Variants in GPC6 observed in about 807,000 individuals in gnomAD.
The protein encoded by GPC6 is glypican-6.
GPC6 carries 14 observed loss-of-function variants against 55.2 expected under a neutral mutation model. The ratio of observed to expected loss-of-function variants is 0.25; its 90% CI spans 0.17 to 0.40. The LOEUF (loss-of-function observed/expected upper bound fraction) is 0.40. Among genes scored for constraint, GPC6 ranks in the 10% least tolerant of loss-of-function variants. GPC6 has a pLI of 1.00. For missense variants in GPC6, 641 were observed against 708.5 expected (o/e 0.90, Z 1.08); for synonymous variants, 278 against 259.6 (o/e 1.07, Z -0.68).
intron 4 of GPC6, among the ~76,000 whole-genome samples, chr13:94,150,080 C>A (rs1887685790): frequency 6.6e-6 from 1 of 152,058 alleles, no homozygotes; most frequent in Non-Finnish European, 1.5e-5. Flanking sequence ...CCCAACCAAG[C>A]CCTTCTTGGT....
At chr13:93,733,201 C>T (rs1369679254) in intron 2 of GPC6, among the ~76,000 whole-genome samples, 1 of 152,024 alleles carries the variant, frequency 6.6e-6, no homozygotes, top group Non-Finnish European at 1.5e-5. Flanking sequence ...ACTCAAAACT[C>T]TCAAAATATG....
chr13:94,171,472 T>C (rs1002567780), intron 4 of GPC6, among the ~76,000 whole-genome samples: 13 of 152,174 alleles, frequency 8.5e-5, no homozygotes, highest in Middle Eastern at 3.2e-3. Flanking sequence ...GCGAAGCAGC[T>C]TATTAAGTGC....
intron 3 of GPC6, among the ~76,000 whole-genome samples, chr13:93,928,856 TACACACAC>T (rs10642875): frequency 0.034 from 4,805 of 142,992 alleles, 81 homozygotes; most frequent in Middle Eastern, 0.053. Context: ...CCCTGTGTGT[TACACACAC>T]ACACACACAC....
intron 1 of GPC6, among the ~76,000 whole-genome samples, chr13:93,456,006 C>A (rs537217430): frequency 6.6e-6 from 1 of 152,174 alleles, no homozygotes; most frequent in African/African-American, 2.4e-5. Context: ...GACGGCATTT[C>A]TTTGAAGTTG....
upstream of GPC6, among the ~76,000 whole-genome samples, chr13:93,224,319 C>T (rs1264096970): frequency 1.3e-5 from 2 of 151,826 alleles, no homozygotes; most frequent in Non-Finnish European, 2.9e-5. Context: ...CTCAACCTCC[C>T]GAGGAGCTGA....
intron 3 of GPC6, 104 bp downstream of exon 3, chr13:93,830,649 A>G: frequency 9.8e-7 from 1 of 1,019,716 alleles, no homozygotes; most frequent in Non-Finnish European, 1.4e-6. Flanking sequence ...CCAAGGTAAA[A>G]ATTCTTAATT....
intron 1 of GPC6, among the ~76,000 whole-genome samples, chr13:93,371,590 G>C (rs1314143840): frequency 6.6e-6 from 1 of 152,080 alleles, no homozygotes; most frequent in African/African-American, 2.4e-5. Context: ...GGTACACATG[G>C]TGAACAAGAC....
chr13:93,802,012 G>A (rs1051727622), intron 2 of GPC6, among the ~76,000 whole-genome samples: 1 of 152,050 alleles, frequency 6.6e-6, no homozygotes, highest in Admixed American at 6.6e-5. Context: ...GTTTCAATAG[G>A]TAGTATACTA....
intron 4 of GPC6, among the ~76,000 whole-genome samples, chr13:94,251,782 A>C (rs2139038220): frequency 6.6e-6 from 1 of 151,492 alleles, no homozygotes; most frequent in East Asian, 1.9e-4. Context: ...GAGCTAAGGG[A>C]TGCTATCTTT....
chr13:93,939,320 T>C (rs1878603069), intron 3 of GPC6, among the ~76,000 whole-genome samples: 1 of 150,750 alleles, frequency 6.6e-6, no homozygotes, highest in African/African-American at 2.4e-5. Flanking sequence ...TAAAATTATT[T>C]AATATAAAAC....
intron 4 of GPC6, among the ~76,000 whole-genome samples, chr13:94,168,973 A>G (rs9584196): frequency 0.014 from 2,093 of 152,298 alleles, 66 homozygotes; most frequent in African/African-American, 0.048. Context: ...GCGTGGGGAT[A>G]GAAGTTGGAC....
At chr13:94,213,201 C>T (rs572690287) in intron 4 of GPC6, among the ~76,000 whole-genome samples, 19 of 152,206 alleles carry the variant, frequency 1.2e-4, no homozygotes, top group Non-Finnish European at 2.1e-4. Context: ...GTCCTGGAGT[C>T]AGGATTGGAG....
At chr13:94,391,174 A>G (rs975163579) in intron 7 of GPC6, among the ~76,000 whole-genome samples, 3 of 152,218 alleles carry the variant, frequency 2.0e-5, no homozygotes, top group Non-Finnish European at 2.9e-5. Context: ...CTCCAACTGG[A>G]AAAGAGCCAC....
At chr13:93,328,643 C>T (rs773561344) in intron 1 of GPC6, among the ~76,000 whole-genome samples, 120 of 151,208 alleles carry the variant, frequency 7.9e-4, no homozygotes, top group Non-Finnish European at 4.3e-4. Flanking sequence ...CCACTGTACT[C>T]CAGCCTGGGT....
At chr13:93,614,867 T>C (rs546399706) in intron 2 of GPC6, among the ~76,000 whole-genome samples, 2 of 152,304 alleles carry the variant, frequency 1.3e-5, no homozygotes, top group African/African-American at 4.8e-5. Flanking sequence ...TTGTCCTATT[T>C]GTTTTATTTT....
intron 4 of GPC6, among the ~76,000 whole-genome samples, chr13:94,267,666 T>G (rs953120632): frequency 2.0e-5 from 3 of 152,212 alleles, no homozygotes; most frequent in African/African-American, 7.2e-5. Flanking sequence ...TTGCTCCATC[T>G]AAAGTGTGAT....
At chr13:93,223,247 C>T (rs1875668794), upstream of GPC6, among the ~76,000 whole-genome samples, 1 of 152,036 alleles carries the variant, frequency 6.6e-6, no homozygotes, top group Non-Finnish European at 1.5e-5. Flanking sequence ...CCTATGGCTG[C>T]TCTTCAAGAC....
chr13:94,029,967 G>A (rs1883050345), intron 4 of GPC6, among the ~76,000 whole-genome samples: 1 of 151,456 alleles, frequency 6.6e-6, no homozygotes, highest in Middle Eastern at 3.5e-3. Context: ...GTGGTGGTTC[G>A]TCCTATATGA....
chr13:93,280,901 A>G (rs751846984), intron 1 of GPC6, among the ~76,000 whole-genome samples: 1 of 152,162 alleles, frequency 6.6e-6, no homozygotes, highest in Non-Finnish European at 1.5e-5. Flanking sequence ...TCGTGCTCCT[A>G]TGAGAATCTA....
Sources: gnomAD v4.1 joint callset for allele counts (sites outside exome capture counted in the v4.1 genomes callset) on GRCh38, gnomAD v4.1.1 for gene constraint, MANE v1.5 for transcripts, NCBI Gene and HGNC (gene_info 2026-07-23, HGNC 2026-07-21) for gene names.